Variants in CDH13 observed in about 807,000 individuals in gnomAD.
CDH13 encodes cadherin 13, also known as cadherin-13.
Under a neutral mutation model 63.8 loss-of-function variants are expected in CDH13, and 24 were observed. The ratio of observed to expected loss-of-function variants is 0.38; its 90% CI spans 0.27 to 0.53. The LOEUF (loss-of-function observed/expected upper bound fraction) is 0.53. Ranked by LOEUF, CDH13 falls within the 20% of genes least tolerant of loss-of-function variation. The pLI, the probability that CDH13 is intolerant of heterozygous loss-of-function variation, is 0.85. For missense variants in CDH13, 1,049 were observed against 903.1 expected, an observed-to-expected ratio of 1.16 and a Z score of -2.07; for synonymous variants, 503 against 355.3, an observed-to-expected ratio of 1.42 and a Z score of -4.67.
intron 6 of CDH13, among the ~76,000 whole-genome samples, chr16:83,460,408 T>C (rs1438317908): frequency 6.6e-6 from 1 of 152,202 alleles, no homozygotes; most frequent in Non-Finnish European, 1.5e-5. Context: ...TTTATGCCCC[T>C]GGGCACAGAG....
At chr16:83,142,526 G>A (rs747048462) in intron 4 of CDH13, among the ~76,000 whole-genome samples, 35 of 152,190 alleles carry the variant, frequency 2.3e-4, no homozygotes, top group Non-Finnish European at 4.6e-4. Context: ...TTACCTCCTC[G>A]GGGAAGCTTT....
chr16:83,034,057 C>T lies in CDH13; in HGVS notation c.366+1839C>T, dbSNP rs117844067. On this transcript the variant is annotated intron_variant, in intron 3 of 13. Coordinates refer to ENST00000567109, the MANE Select transcript of CDH13 (RefSeq NM_001257.5). ...TGGCAATGTGAGAGTTACCTTCCCG[C>T]CAGTGCTGTCTGTGTGATCTTGAGA... is the stretch of plus-strand genomic sequence containing the variant. 4.7e-4 allele frequency among the ~76,000 whole-genome samples: 72 copies of T among 152,176 alleles called. No individual in the cohort carries two copies. In the East Asian group the frequency reaches 0.011, roughly 23 times the overall value.
intron 6 of CDH13, among the ~76,000 whole-genome samples, chr16:83,400,036 T>C (rs16960363): frequency 0.069 from 10,509 of 152,232 alleles, 409 homozygotes; most frequent in East Asian, 0.19. Context: ...TCTGTTTTCT[T>C]AATCGTTCCC....
intron 1 of CDH13, among the ~76,000 whole-genome samples, chr16:82,694,907 G>T (rs542981263): frequency 6.6e-6 from 1 of 152,154 alleles, no homozygotes; most frequent in African/African-American, 2.4e-5. Context: ...GAGCATAACA[G>T]ATGGAACTGA....
chr16:83,791,600 C>T (rs1242014712), intron 13 of CDH13, among the ~76,000 whole-genome samples: 1 of 152,026 alleles, frequency 6.6e-6, no homozygotes, highest in Non-Finnish European at 1.5e-5. Flanking sequence ...ATCACAAGGT[C>T]AGGAGTTCAA....
intron 6 of CDH13, among the ~76,000 whole-genome samples, chr16:83,442,132 C>T (rs139849063): frequency 6.6e-6 from 1 of 152,298 alleles, no homozygotes; most frequent in East Asian, 1.9e-4. Flanking sequence ...TATCACCATG[C>T]TCCTCCAATG....
intron 1 of CDH13, among the ~76,000 whole-genome samples, chr16:82,814,312 G>A (rs2037595789): frequency 6.6e-6 from 1 of 152,028 alleles, no homozygotes; most frequent in Non-Finnish European, 1.5e-5. Flanking sequence ...GACTTGTGCT[G>A]GGCTCCTGGA....
At chr16:82,882,221 C>G (rs1239444586) in intron 2 of CDH13, among the ~76,000 whole-genome samples, 1 of 152,158 alleles carries the variant, frequency 6.6e-6, no homozygotes, top group Non-Finnish European at 1.5e-5. Flanking sequence ...AAGATATTAA[C>G]ATAATAATAA....
chr16:83,411,795 A>C (rs962629343), intron 6 of CDH13, among the ~76,000 whole-genome samples: 5 of 152,220 alleles, frequency 3.3e-5, no homozygotes, highest in Admixed American at 6.5e-5. Context: ...CAAGGGTAGG[A>C]AACTAACAAG....
intron 1 of CDH13, among the ~76,000 whole-genome samples, chr16:82,798,394 C>G (rs906999950): frequency 6.6e-6 from 1 of 152,120 alleles, no homozygotes; most frequent in African/African-American, 2.4e-5. Context: ...CTTTTTTCCC[C>G]TAGACTGTTT....
chr16:83,650,906 C>G (rs1912312856), intron 8 of CDH13, among the ~76,000 whole-genome samples: 1 of 151,184 alleles, frequency 6.6e-6, no homozygotes, highest in Non-Finnish European at 1.5e-5. Flanking sequence ...GACCCTGTCT[C>G]TATAAAAATT....
intron 2 of CDH13, among the ~76,000 whole-genome samples, chr16:82,862,322 C>T (rs1486097735): frequency 2.0e-5 from 3 of 152,170 alleles, no homozygotes; most frequent in African/African-American, 4.8e-5. Context: ...ATGGGAAGAT[C>T]CCAAGTGATA....
intron 2 of CDH13, among the ~76,000 whole-genome samples, chr16:82,985,976 G>A (rs1910885871): frequency 6.6e-6 from 1 of 152,102 alleles, no homozygotes; most frequent in Non-Finnish European, 1.5e-5. Flanking sequence ...CCCACAAGCA[G>A]AGCAGACATT....
intron 11 of CDH13, among the ~76,000 whole-genome samples, chr16:83,751,141 T>G (rs1445725879): frequency 6.6e-6 from 1 of 152,172 alleles, no homozygotes; most frequent in African/African-American, 2.4e-5. Flanking sequence ...AACTGGGTCT[T>G]GTGCTGAATG....
intron 6 of CDH13, among the ~76,000 whole-genome samples, chr16:83,447,578 C>A (rs12929611): frequency 6.6e-6 from 1 of 151,980 alleles, no homozygotes; most frequent in African/African-American, 2.4e-5. Context: ...GATACCAGAT[C>A]TTTAGCAAGA....
At chr16:83,755,334 G>C (rs1291417705) in intron 11 of CDH13, among the ~76,000 whole-genome samples, 1 of 152,126 alleles carries the variant, frequency 6.6e-6, no homozygotes, top group Non-Finnish European at 1.5e-5. Context: ...CTAGTGTGTG[G>C]AATTGGAGTT....
chr16:83,077,816 CG>C (rs2151555430), intron 3 of CDH13, among the ~76,000 whole-genome samples: 1 of 152,256 alleles, frequency 6.6e-6, no homozygotes, highest in South Asian at 2.1e-4. Context: ...GATCCTCTTC[CG>C]GATAACGCGT....
At chr16:83,522,727 C>G (rs540794456) in intron 7 of CDH13, among the ~76,000 whole-genome samples, 45 of 152,298 alleles carry the variant, frequency 3.0e-4, no homozygotes, top group Admixed American at 1.0e-3. Context: ...CTGGCCATCT[C>G]CAGGTGGTGA....
chr16:83,499,392 T>A (rs985811019), intron 7 of CDH13, among the ~76,000 whole-genome samples: 1 of 152,358 alleles, frequency 6.6e-6, no homozygotes, highest in African/African-American at 2.4e-5. Context: ...TTTTCCACAG[T>A]GCAGTGTCTG....
Sources: allele counts gnomAD v4.1 joint callset (sites outside exome capture counted in the v4.1 genomes callset), GRCh38; gene constraint gnomAD v4.1.1; transcripts MANE v1.5; gene names NCBI Gene and HGNC (gene_info 2026-07-23, HGNC 2026-07-21).